GOLM2: variants seen among roughly 807,000 people sequenced by gnomAD.
GOLM2 encodes the protein protein GOLM2.
GOLM2 carries 26 observed loss-of-function variants against 55.9 expected under a neutral mutation model. That is an observed-to-expected ratio of 0.47 (90% CI 0.34 to 0.65). The LOEUF is 0.65. Among genes scored for constraint, GOLM2 ranks in the 30% least tolerant of loss-of-function variants. The probability of loss-of-function intolerance (pLI) is 0.01; values close to 1 mark genes in which losing one functional copy is unlikely to be tolerated. For synonymous variants in GOLM2, 165 were observed against 194.6 expected (o/e 0.85, Z 1.27); for missense variants, 486 against 531.8 (o/e 0.91, Z 0.85).
intron 6 of GOLM2, among the ~76,000 whole-genome samples, chr15:44,365,793 A>G (rs2079279251): frequency 6.6e-6 from 1 of 152,186 alleles, no homozygotes; most frequent in South Asian, 2.1e-4. Context: ...CCAAACCCAT[A>G]GAATGTACAA....
At chr15:44,353,735 G>C (rs2079179740) in intron 6 of GOLM2, among the ~76,000 whole-genome samples, 1 of 152,128 alleles carries the variant, frequency 6.6e-6, no homozygotes, top group African/African-American at 2.4e-5. Flanking sequence ...AATTAAAATA[G>C]TTGAACTCAT....
At chr15:44,306,752 G>A (rs558741888) in intron 1 of GOLM2, among the ~76,000 whole-genome samples, 11 of 152,274 alleles carry the variant, frequency 7.2e-5, no homozygotes, top group Non-Finnish European at 1.5e-4. Flanking sequence ...AGGAAATAGG[G>A]AAGCCTGAGG....
intron 6 of GOLM2, among the ~76,000 whole-genome samples, chr15:44,373,554 G>A (rs1395508469): frequency 6.7e-6 from 1 of 150,358 alleles, no homozygotes; most frequent in Non-Finnish European, 1.5e-5. Flanking sequence ...AGGAGTTTGA[G>A]ACCAGCCTAG....
chr15:44,301,917 A>C (rs2078800551), intron 1 of GOLM2, among the ~76,000 whole-genome samples: 1 of 151,692 alleles, frequency 6.6e-6, no homozygotes, highest in African/African-American at 2.4e-5. Flanking sequence ...TCTCTCAAAA[A>C]AAAAAAAAAA....
chr15:44,415,027 T>C lies in GOLM2; in HGVS notation c.*1621T>C, dbSNP rs1467119898. ...CTGTTAATTGCACATAAACATGAAA[T>C]GTGTTTTCCCCTGTGTACTAACACA... On this transcript the variant is annotated 3_prime_UTR_variant, in exon 10 of 10. Coordinates refer to ENST00000299957, the MANE Select transcript of GOLM2 (RefSeq NM_138423.4). 1.3e-5 allele frequency: 2 copies of C among 152,638 alleles called. No individual in the cohort carries two copies. The highest frequency in any genetic ancestry group is 4.8e-5 in the African/African-American group (2 of 41,462). 9.5% of individuals were successfully genotyped at this position (152,638 alleles called of 1,614,324 possible).
chr15:44,407,748 C>T (rs965941005), intron 9 of GOLM2, among the ~76,000 whole-genome samples: 4 of 150,670 alleles, frequency 2.7e-5, no homozygotes, highest in African/African-American at 7.3e-5. Flanking sequence ...TGCACCCAGG[C>T]GATAGAGCTT....
chr15:44,402,129 C>T (rs1413241170), intron 8 of GOLM2, among the ~76,000 whole-genome samples: 3 of 152,048 alleles, frequency 2.0e-5, no homozygotes, highest in African/African-American at 7.2e-5. Flanking sequence ...TGCACCAGGC[C>T]TGTCTTCTTC....
intron 6 of GOLM2, among the ~76,000 whole-genome samples, chr15:44,338,687 T>C (rs1238328459): frequency 3.3e-5 from 5 of 152,214 alleles, no homozygotes; most frequent in Non-Finnish European, 5.9e-5. Context: ...TGGTGTGCTT[T>C]AATATGGCAT....
Position 44,361,085 on chromosome 15 carries a change from C to T in GOLM2, c.803-18605C>T, listed in dbSNP as rs1298659506. ...AGAGGGAAATTTATAGCACTAAATG[C>T]CCACAAGAGAAAGCAGGAAAGATCC... On this transcript the variant is annotated intron_variant, in intron 6 of 9. Transcript: ENST00000299957. 2.5e-4 allele frequency among the ~76,000 whole-genome samples: 38 copies of T among 149,660 alleles called. No individual in the cohort carries two copies. The South Asian group carries it at 6.8e-3, about 27-fold the overall frequency.
At chr15:44,330,452 G>A (rs1272307599) in intron 3 of GOLM2, among the ~76,000 whole-genome samples, 1 of 147,666 alleles carries the variant, frequency 6.8e-6, no homozygotes, top group African/African-American at 2.5e-5. Context: ...GGCAGAGGTT[G>A]TAGTGAGCCG....
Position 44,338,316 on chromosome 15 carries a change from T to A in GOLM2, c.801T>A (p.Pro267=). 6.2e-7 allele frequency: 1 copy of A among 1,610,894 alleles called. No individual in the cohort carries two copies. The highest frequency in any genetic ancestry group is 1.1e-5 in the South Asian group (1 of 90,970). ...NDLAKVDDLP[P]ALRKPPISVS... is the part of the protein sequence containing the mutation. ...TAGCAAAAGTTGATGATCTTCCCCC[T>A]GGTAAGTAAAAATTGTTAGAGAATT... is the stretch of plus-strand genomic sequence containing the variant. Residue 267 remains proline (P), a splice_region_variant and synonymous_variant, in exon 6 of 10, where the codon CCT becomes CCA. Coordinates refer to ENST00000299957, the MANE Select transcript of GOLM2 (RefSeq NM_138423.4).
In GOLM2 at chr15:44,362,531, T is replaced by G. The variant is rs1220110158; in HGVS notation, c.803-17159T>G. 3.8e-3 allele frequency among the ~76,000 whole-genome samples: 571 copies of G among 151,742 alleles called. 3 individuals are homozygous for G. Among genetic ancestry groups the G allele is most frequent in the African/African-American group, 0.013 (540 of 41,346 alleles). ...AGGAGAACTACAAACCACTGCTCAA[T>G]GAAATAAAAGAGGATACAAAGAAAT... On this transcript the variant is annotated intron_variant, in intron 6 of 9. Transcript: ENST00000299957.
intron 6 of GOLM2, among the ~76,000 whole-genome samples, chr15:44,365,531 G>T (rs2079277796): frequency 6.6e-6 from 1 of 151,600 alleles, no homozygotes; most frequent in African/African-American, 2.4e-5. Context: ...AAACAAAAAA[G>T]ACTTGAAAAA....
chr15:44,289,039 T>C lies in GOLM2; in HGVS notation c.10T>C (p.Phe4Leu). The change falls in exon 1 of 10, where the codon TTC (phenylalanine) becomes CTC (leucine). Residue 4 changes from phenylalanine (F) to leucine (L), a missense_variant. Physicochemically the swap from Phe to Leu is conservative, Grantham distance 22 (BLOSUM62 0). Coordinates refer to ENST00000299957, the MANE Select transcript of GOLM2 (RefSeq NM_138423.4). The surrounding 1 kb of genome is among the most constrained non-coding windows in gnomAD (Gnocchi z 4.8). The part of the protein sequence containing the change: MVG[F>L]GANRRAGRLP... ...AGCCCGATTTGGCCCCATGGTGGGT[T>C]TCGGGGCCAACCGGCGGGCTGGCCG... 1 of 1,613,060 alleles carries C rather than the reference T, an allele frequency of 6.2e-7. No individual in the cohort carries two copies. The highest frequency in any genetic ancestry group is 8.5e-7 in the Non-Finnish European group (1 of 1,179,466).
chr15:44,353,337 A>G (rs2079177075), intron 6 of GOLM2, among the ~76,000 whole-genome samples: 2 of 152,242 alleles, frequency 1.3e-5, no homozygotes, highest in African/African-American at 2.4e-5. Context: ...GAGTTCCTCA[A>G]GAAACTAAAA....
At chr15:44,316,894 G>C (rs1319636205) in intron 1 of GOLM2, among the ~76,000 whole-genome samples, 1 of 152,102 alleles carries the variant, frequency 6.6e-6, no homozygotes, top group Admixed American at 6.6e-5. Context: ...GCTAAGGTGG[G>C]AGGATCACAT....
At chr15:44,390,348 A>C (rs1400840480) in intron 8 of GOLM2, 1 of 152,214 alleles carries the variant, frequency 6.6e-6, no homozygotes, top group Non-Finnish European at 1.5e-5. Context: ...TAGAGATAAG[A>C]ATTTACTTCA....
chr15:44,307,834 T>C (rs947846184), intron 1 of GOLM2: 7 of 152,180 alleles, frequency 4.6e-5, no homozygotes, highest in African/African-American at 1.4e-4. Flanking sequence ...AGGTGATCTT[T>C]AGTAATTTAA....
At chr15:44,394,060 A>C (rs1454864989) in intron 8 of GOLM2, among the ~76,000 whole-genome samples, 1 of 152,174 alleles carries the variant, frequency 6.6e-6, no homozygotes, top group Non-Finnish European at 1.5e-5. Context: ...GTCCTGGAAC[A>C]AGTTCTCAGT....
Sources: allele counts gnomAD v4.1 joint callset (sites outside exome capture counted in the v4.1 genomes callset), GRCh38; gene constraint gnomAD v4.1.1; non-coding constraint Gnocchi (gnomAD v3.1); transcripts MANE v1.5; gene names NCBI Gene and HGNC (gene_info 2026-07-23, HGNC 2026-07-21).